Variants in MDM1 observed in about 807,000 individuals in gnomAD.
MDM1 encodes Mdm1 nuclear protein.
A neutral mutation model predicts 89.1 loss-of-function variants in MDM1; 61 were observed. The observed-to-expected ratio is 0.68, with a 90% CI of 0.56 to 0.85. MDM1 has a LOEUF of 0.85. Among genes scored for constraint, MDM1 ranks in the 40% least tolerant of loss-of-function variants. The pLI is 0.00. For synonymous variants in MDM1, 290 were observed against 294.1 expected (o/e 0.99, Z 0.14); for missense variants, 820 against 846.5 (o/e 0.97, Z 0.39).
At chr12:68,330,754 A>T (rs557414766) in intron 2 of MDM1, 1 of 202,634 alleles carries the variant, frequency 4.9e-6, no homozygotes, top group Non-Finnish European at 1.0e-5. Context: ...GGAAAGGCCT[A>T]GGCAATACTC....
intron 4 of MDM1, 121 bp from the exon 5 acceptor site, chr12:68,323,361 G>T: frequency 3.1e-6 from 2 of 652,640 alleles, no homozygotes; most frequent in Non-Finnish European, 2.5e-6. Flanking sequence ...AGTTATATAT[G>T]ATTTTAATTT....
intron 13 of MDM1, among the ~76,000 whole-genome samples, chr12:68,299,245 C>T (rs542100064): frequency 9.9e-5 from 15 of 151,746 alleles, no homozygotes; most frequent in African/African-American, 3.4e-4. Flanking sequence ...TCTATAACAC[C>T]CTCAAAAGAT....
intron 2 of MDM1, 106 bp from the exon 3 acceptor site, chr12:68,327,127 G>C: frequency 6.9e-7 from 1 of 1,440,270 alleles, no homozygotes; most frequent in South Asian, 1.5e-5. Flanking sequence ...ATTTAGTTCA[G>C]ATATATGTAC....
chr12:68,299,769 A>C (rs766183685), intron 13 of MDM1, among the ~76,000 whole-genome samples: 3 of 152,184 alleles, frequency 2.0e-5, no homozygotes, highest in Non-Finnish European at 4.4e-5. Flanking sequence ...CTTTGAGGGA[A>C]TAATTGAGGA....
rs1173209110 is a variant in MDM1 at position 68,323,096 on chromosome 12, C to G, written c.778G>C (p.Glu260Gln). Reference protein sequence around the residue: ...RNDLRENRNLETVSPERKSNK... With the variant: ...RNDLRENRNLQTVSPERKSNK... ...ACCTTCCTTTCAGGAGACACTGTTT[C>G]AAGATTTCTGTTTTCTCTCAAATCA... The change falls in exon 5 of 15, where the codon GAA becomes CAA. Residue 260 changes from glutamate to glutamine, a missense_variant. By Grantham distance (29) the Glu-to-Gln change is conservative. Coordinates refer to ENST00000682720, the MANE Select transcript of MDM1 (RefSeq NM_001354969.2). 6.2e-7 allele frequency: 1 copy of G among 1,607,570 alleles called. No individual in the cohort carries two copies. The highest frequency in any genetic ancestry group is 8.5e-7 in the Non-Finnish European group (1 of 1,178,216).
chr12:68,324,139 A>T (rs1235241950), intron 4 of MDM1, among the ~76,000 whole-genome samples: 1 of 152,134 alleles, frequency 6.6e-6, no homozygotes, highest in Non-Finnish European at 1.5e-5. Context: ...ACACTTATTA[A>T]AGAAAGCAGT....
At chr12:68,319,119 G>T (rs1029281142) in intron 7 of MDM1, among the ~76,000 whole-genome samples, 1 of 152,132 alleles carries the variant, frequency 6.6e-6, no homozygotes, top group Non-Finnish European at 1.5e-5. Context: ...GTTTAACATA[G>T]ATTAAGTAGT....
At chr12:68,322,817 T>C (rs998022871) in intron 5 of MDM1, among the ~76,000 whole-genome samples, 2 of 152,198 alleles carry the variant, frequency 1.3e-5, no homozygotes, top group Non-Finnish European at 2.9e-5. Flanking sequence ...TGTTAAGTAC[T>C]CATCATGCTG....
At chr12:68,304,226 C>A (rs1178175010) in intron 12 of MDM1, among the ~76,000 whole-genome samples, 1 of 151,974 alleles carries the variant, frequency 6.6e-6, no homozygotes, top group Non-Finnish European at 1.5e-5. Context: ...CTGGTCAACA[C>A]GGCGAGACCC....
At chr12:68,311,552 C>T (rs963017320) in intron 12 of MDM1, among the ~76,000 whole-genome samples, 4 of 152,180 alleles carry the variant, frequency 2.6e-5, no homozygotes, top group African/African-American at 9.7e-5. Context: ...AATAAAGAAA[C>T]AATCAGTGTC....
chr12:68,313,913 G>A (rs902812620), intron 10 of MDM1, among the ~76,000 whole-genome samples, 160 bp from the exon 11 acceptor site: 16 of 152,110 alleles, frequency 1.1e-4, no homozygotes, highest in Non-Finnish European at 1.9e-4. Flanking sequence ...AGGCCGAGGC[G>A]GGCGGATCAG....
At chr12:68,327,381 A>T (rs1003484364) in intron 2 of MDM1, 2 of 1,534,808 alleles carry the variant, frequency 1.3e-6, no homozygotes, top group Non-Finnish European at 1.7e-6. Flanking sequence ...GCTACTTAAC[A>T]GAACAATGGG....
intron 12 of MDM1, among the ~76,000 whole-genome samples, chr12:68,307,554 T>C (rs1339937676): frequency 6.6e-6 from 1 of 152,104 alleles, no homozygotes; most frequent in African/African-American, 2.4e-5. Flanking sequence ...GGTGGGAGGA[T>C]TGCCTAAGCC....
At chr12:68,314,906 G>A (rs1874243806) in intron 10 of MDM1, 42 bp downstream of exon 10, 3 of 1,483,152 alleles carry the variant, frequency 2.0e-6, no homozygotes, top group Admixed American at 1.8e-5. Flanking sequence ...TATCAACCAT[G>A]TAAATAACGC....
intron 7 of MDM1, 41 bp downstream of exon 7, chr12:68,321,306 C>T (rs776330865): frequency 1.3e-6 from 2 of 1,494,022 alleles, no homozygotes; most frequent in East Asian, 2.3e-5. Context: ...TTAACAGAGG[C>T]TGAAAGAACA....
At chr12:68,319,184 C>G (rs963996816) in intron 7 of MDM1, among the ~76,000 whole-genome samples, 1 of 151,986 alleles carries the variant, frequency 6.6e-6, no homozygotes, top group African/African-American at 2.4e-5. Flanking sequence ...AGAAACAATC[C>G]CTTAAGTGAG....
Position 68,296,910 on chromosome 12 carries a change from A to G in MDM1, c.2062+13T>C. 2 of 1,572,354 alleles carry G rather than the reference A, an allele frequency of 1.3e-6. No individual in the cohort carries two copies. Among genetic ancestry groups the G allele is most frequent in the Non-Finnish European group, 1.7e-6 (2 of 1,160,056 alleles). On this transcript the variant is annotated intron_variant, in intron 14 of 14. Transcript: ENST00000682720. ...AGAACTCAAACTTTTATGTTATGTGACTACTGAAATACCTTCATCATTAAA... is the reference window on the plus strand; with the variant it reads ...AGAACTCAAACTTTTATGTTATGTGGCTACTGAAATACCTTCATCATTAAA...
At chr12:68,315,287 A>C in intron 9 of MDM1, 22 bp from the exon 10 acceptor site, 1 of 1,589,734 alleles carries the variant, frequency 6.3e-7, no homozygotes, top group Non-Finnish European at 8.6e-7. Flanking sequence ...AATCAATTTT[A>C]TTTTAAATGT....
At chr12:68,303,948 A>G (rs2120813860) in intron 12 of MDM1, among the ~76,000 whole-genome samples, 1 of 152,224 alleles carries the variant, frequency 6.6e-6, no homozygotes, top group East Asian at 1.9e-4. Flanking sequence ...TTTTAAAAGA[A>G]GGCAGCTAGC....
Sources: gnomAD v4.1 joint callset for allele counts (sites outside exome capture counted in the v4.1 genomes callset) on GRCh38, gnomAD v4.1.1 for gene constraint, MANE v1.5 for transcripts, NCBI Gene and HGNC (gene_info 2026-07-23, HGNC 2026-07-21) for gene names.